The following STYXL1 variants were observed in gnomAD, a reference collection of about 807,000 sequenced individuals.
STYXL1 encodes serine/threonine/tyrosine-interacting-like protein 1.
Under a neutral mutation model 36.4 loss-of-function variants are expected in STYXL1, and 32 were observed. The observed-to-expected ratio is 0.88, with a 90% CI of 0.66 to 1.18. The LOEUF is 1.18. Among genes scored for constraint, STYXL1 ranks in the 50% most tolerant of loss-of-function variants. STYXL1 has a pLI of 0.00. For missense variants in STYXL1, 354 were observed against 394.1 expected, an observed-to-expected ratio of 0.90 and a Z score of 0.86; for synonymous variants, 133 against 144.1, an observed-to-expected ratio of 0.92 and a Z score of 0.55.
At chr7:76,013,582 G>A (rs890473437) in intron 5 of STYXL1, among the ~76,000 whole-genome samples, 160 bp downstream of exon 5, 2 of 151,360 alleles carry the variant, frequency 1.3e-5, no homozygotes, top group South Asian at 2.1e-4. Flanking sequence ...GCACCACCAC[G>A]CCCAGCTAAT....
intron 5 of STYXL1, among the ~76,000 whole-genome samples, chr7:76,005,771 C>T (rs1554569970): frequency 6.6e-6 from 1 of 151,506 alleles, no homozygotes; most frequent in African/African-American, 2.4e-5. Context: ...AGGGACAGCT[C>T]TCTTAAGACC....
At chr7:76,029,105 C>T (rs1795048750) in intron 2 of STYXL1, among the ~76,000 whole-genome samples, 1 of 151,866 alleles carries the variant, frequency 6.6e-6, no homozygotes, top group Admixed American at 6.6e-5. Flanking sequence ...GGCAACAGAA[C>T]AAGATTCTGT....
chr7:76,013,112 G>A (rs1792780677), intron 5 of STYXL1, among the ~76,000 whole-genome samples: 1 of 152,106 alleles, frequency 6.6e-6, no homozygotes, highest in African/African-American at 2.4e-5. Flanking sequence ...ATCACTTGAG[G>A]TCAGGAGATC....
chr7:76,010,106 GA>G (rs1554571784), intron 5 of STYXL1, among the ~76,000 whole-genome samples: 4 of 152,164 alleles, frequency 2.6e-5, no homozygotes, highest in Non-Finnish European at 5.9e-5. Context: ...AGGGTTTGCA[GA>G]GAAGAAATTA....
chr7:76,031,289 C>T (rs2116324400), intron 1 of STYXL1, among the ~76,000 whole-genome samples: 1 of 123,874 alleles, frequency 8.1e-6, no homozygotes, highest in African/African-American at 3.0e-5. Context: ...CGGAATCATG[C>T]CATTGCACTC....
chr7:76,000,449 G>A (rs1790751415), intron 8 of STYXL1: 1 of 457,212 alleles, frequency 2.2e-6, no homozygotes, highest in Non-Finnish European at 4.4e-6. Context: ...AAGGTGCTGT[G>A]AGTTAGGAGC....
At chr7:76,043,597 A>G (rs1796689591) in intron 1 of STYXL1, among the ~76,000 whole-genome samples, 1 of 152,088 alleles carries the variant, frequency 6.6e-6, no homozygotes, top group Admixed American at 6.5e-5. Flanking sequence ...GGAGGTAAGA[A>G]AGACCCCCAG....
chr7:76,002,730 T>G (rs1791115268), intron 7 of STYXL1, among the ~76,000 whole-genome samples: 2 of 151,630 alleles, frequency 1.3e-5, no homozygotes, highest in Non-Finnish European at 2.9e-5. Flanking sequence ...TCAAGACCAG[T>G]TTGGGCAACA....
chr7:75,996,690 T>G, intron 8 of STYXL1, 91 bp from the exon 9 acceptor site: 1 of 1,282,224 alleles, frequency 7.8e-7, no homozygotes, highest in Non-Finnish European at 1.1e-6. Flanking sequence ...CAGGAGGCAC[T>G]TGCACAGTGC....
chr7:76,021,284 T>C (rs1175508566), intron 4 of STYXL1, among the ~76,000 whole-genome samples: 8 of 152,052 alleles, frequency 5.3e-5, no homozygotes, highest in East Asian at 3.9e-4. Flanking sequence ...AGTTTCACCG[T>C]GTTAGCCAAG....
At chr7:76,011,044 G>A (rs1172935515) in intron 5 of STYXL1, among the ~76,000 whole-genome samples, 6 of 152,116 alleles carry the variant, frequency 3.9e-5, no homozygotes, top group Admixed American at 1.3e-4. Flanking sequence ...GCAAGACCCT[G>A]TATCTGCAAA....
chr7:76,021,557 T>C (rs1161845788), intron 4 of STYXL1, among the ~76,000 whole-genome samples: 1 of 152,104 alleles, frequency 6.6e-6, no homozygotes, highest in Non-Finnish European at 1.5e-5. Context: ...ACGTCCTGAT[T>C]ATTTCATCCC....
chr7:76,034,836 ACACTCTAAGACCTAGAGT>A (rs782155904), intron 1 of STYXL1, among the ~76,000 whole-genome samples: 18 of 152,198 alleles, frequency 1.2e-4, no homozygotes, highest in Non-Finnish European at 2.5e-4. Context: ...CTGAGGACCA[ACACTCTAAGACCTAGAGT>A]CACAGTGATT....
chr7:76,017,248 G>A (rs1793485212), intron 4 of STYXL1, among the ~76,000 whole-genome samples: 1 of 151,866 alleles, frequency 6.6e-6, no homozygotes, highest in African/African-American at 2.4e-5. Flanking sequence ...GTCTCAAACT[G>A]CTGACCTCAA....
intron 3 of STYXL1, among the ~76,000 whole-genome samples, chr7:76,022,286 C>T (rs1416573299): frequency 6.6e-6 from 1 of 152,176 alleles, no homozygotes; most frequent in Non-Finnish European, 1.5e-5. Context: ...ATTAGGTACC[C>T]TGGTGTCAGA....
intron 1 of STYXL1, among the ~76,000 whole-genome samples, chr7:76,037,646 A>G (rs1055248156): frequency 6.7e-6 from 1 of 149,792 alleles, no homozygotes; most frequent in Non-Finnish European, 1.5e-5. Flanking sequence ...GGCTTCTTGT[A>G]GGAGTTCGAG....
chr7:76,037,359 A>T lies in STYXL1; in HGVS notation c.-4-6832T>A, dbSNP rs782777791. On this transcript the variant is annotated intron_variant, in intron 1 of 8. Coordinates refer to ENST00000359697, the MANE Select transcript of STYXL1 (RefSeq NM_001317785.2). ...CATATGACCACCTAGTCTGGCCTTC[A>T]AACCAGGGGTTCGTGGGTGGCTCTC... Among the ~76,000 whole-genome samples, 5 of 150,338 alleles carry T rather than the reference A, an allele frequency of 3.3e-5. 1 individual carries two copies. The highest frequency in any genetic ancestry group is 6.0e-5 in the Non-Finnish European group (4 of 67,198).
intron 8 of STYXL1, among the ~76,000 whole-genome samples, chr7:75,999,463 TAA>T (rs1206988334): frequency 6.6e-6 from 1 of 151,850 alleles, no homozygotes; most frequent in Non-Finnish European, 1.5e-5. Flanking sequence ...CTATACATTT[TAA>T]AATAGTTAAG....
At chr7:75,996,645 C>A (rs782485915) in intron 8 of STYXL1, 46 bp from the exon 9 acceptor site, 1 of 1,595,462 alleles carries the variant, frequency 6.3e-7, no homozygotes, top group Non-Finnish European at 8.6e-7. Context: ...TGGTCCTGGG[C>A]CCTTTCCACT....
Sources: allele counts gnomAD v4.1 joint callset (sites outside exome capture counted in the v4.1 genomes callset), GRCh38; gene constraint gnomAD v4.1.1; transcripts MANE v1.5; gene names NCBI Gene and HGNC (gene_info 2026-07-23, HGNC 2026-07-21).